The following SYT12 variants were observed in gnomAD, a reference collection of about 807,000 sequenced individuals.
SYT12 encodes the protein synaptotagmin-12.
A neutral mutation model predicts 39.5 loss-of-function variants in SYT12; 27 were observed. The ratio of observed to expected loss-of-function variants is 0.68; its 90% CI spans 0.50 to 0.94. SYT12 has a LOEUF of 0.94. Ranked by LOEUF, SYT12 falls within the 40% of genes least tolerant of loss-of-function variation. The probability of loss-of-function intolerance (pLI) is 0.00; values close to 1 mark genes in which losing one functional copy is unlikely to be tolerated. For missense variants in SYT12, 536 were observed against 572.6 expected (o/e 0.94, Z 0.65); for synonymous variants, 233 against 239.7 (o/e 0.97, Z 0.26).
At chr11:67,025,528 G>A (rs987090506) in intron 1 of SYT12, among the ~76,000 whole-genome samples, 8 of 152,128 alleles carry the variant, frequency 5.3e-5, no homozygotes, top group Non-Finnish European at 1.2e-4. Context: ...TCTGGTCACA[G>A]GCTGCCCTGG....
chr11:67,027,577 AATCTC>A (rs1950198759), intron 1 of SYT12: 1 of 151,828 alleles, frequency 6.6e-6, no homozygotes, highest in African/African-American at 2.4e-5. Flanking sequence ...CCCTCACTGA[AATCTC>A]AGCTCCCTGG....
chr11:67,043,248 G>A (rs1283439364), intron 4 of SYT12, among the ~76,000 whole-genome samples: 1 of 152,188 alleles, frequency 6.6e-6, no homozygotes, highest in African/African-American at 2.4e-5. Context: ...AACCTGGGAC[G>A]TCAGTGGCTC....
rs147506101 is a variant in SYT12 at position 67,044,658 on chromosome 11, C to T, written c.903C>T (p.Thr301=). 58 of 1,613,680 alleles carry T rather than the reference C, an allele frequency of 3.6e-5. No homozygotes were observed. In the East Asian group the frequency reaches 6.0e-4, roughly 17 times the overall value. The change falls in exon 6 of 8, where the codon ACC becomes ACT. Residue 301 remains threonine, a synonymous_variant. Coordinates refer to ENST00000527043, the MANE Select transcript of SYT12 (RefSeq NM_177963.4). ...ACCTCCCCACAGCCGAGCGCCTCACCGTGGTCGTGGTTAAGGCCAAGAACC... is the reference window on the plus strand; with the variant it reads ...ACCTCCCCACAGCCGAGCGCCTCACTGTGGTCGTGGTTAAGGCCAAGAACC... ...LSYLPTAERL[T]VVVVKAKNLI...
At chr11:67,019,425 T>C (rs1950086094), upstream of SYT12, among the ~76,000 whole-genome samples, 1 of 151,246 alleles carries the variant, frequency 6.6e-6, no homozygotes, top group Non-Finnish European at 1.5e-5. Context: ...TGAGCCAAGA[T>C]CGTGCCATTG....
At chr11:67,020,632 G>A (rs1950099413), upstream of SYT12, among the ~76,000 whole-genome samples, 1 of 152,160 alleles carries the variant, frequency 6.6e-6, no homozygotes, top group Non-Finnish European at 1.5e-5. Flanking sequence ...AGAGTCCCAT[G>A]CACAGAGTAG....
chr11:67,048,597 G>A lies in SYT12; in HGVS notation c.1106G>A (p.Arg369His), dbSNP rs373132081. Reference protein sequence around the residue: ...PAIVLQDLSLRVTVAESSSDG... With the variant: ...PAIVLQDLSLHVTVAESSSDG... ...CCTCTTCCTCAGGACCTGTCTCTCC[G>A]CGTGACGGTGGCTGAGAGCAGCAGC... The change falls in exon 8 of 8, where the codon CGC becomes CAC. Residue 369 changes from arginine to histidine, a missense_variant. Transcript: ENST00000527043. The A allele has an allele frequency of 1.0e-5, 16 of 1,601,624 alleles. No homozygotes were observed. Among genetic ancestry groups the A allele is most frequent in the South Asian group, 3.3e-5 (3 of 90,856 alleles).
chr11:67,032,363 C>T (rs1300100713), intron 2 of SYT12: 1 of 152,232 alleles, frequency 6.6e-6, no homozygotes, highest in Non-Finnish European at 1.5e-5. Flanking sequence ...GCCTCGATGA[C>T]TCATCCCAGA....
At chr11:67,032,445 T>C (rs1041058157) in intron 2 of SYT12, 1 of 152,250 alleles carries the variant, frequency 6.6e-6, no homozygotes, top group East Asian at 1.9e-4. Flanking sequence ...GGGATGTTCT[T>C]GTCATCCGCA....
intron 3 of SYT12, among the ~76,000 whole-genome samples, chr11:67,012,396 A>T (rs1187738282): frequency 6.6e-6 from 1 of 152,012 alleles, no homozygotes; most frequent in Admixed American, 6.6e-5. Context: ...ATAATAATAA[A>T]TAAATAAAAG....
intron 1 of SYT12, among the ~76,000 whole-genome samples, chr11:67,025,725 C>G (rs1950172323): frequency 6.6e-6 from 1 of 152,174 alleles, no homozygotes; most frequent in Non-Finnish European, 1.5e-5. Context: ...GCGGCTTGGT[C>G]TGAGCTTCCT....
intron 1 of SYT12, among the ~76,000 whole-genome samples, chr11:67,024,239 C>T (rs1950151089): frequency 6.6e-6 from 1 of 152,250 alleles, no homozygotes; most frequent in East Asian, 1.9e-4. Context: ...ATGTCAGCTC[C>T]TTCTCCCCGT....
chr11:67,041,959 C>A (rs1426309362), intron 4 of SYT12, among the ~76,000 whole-genome samples: 1 of 152,174 alleles, frequency 6.6e-6, no homozygotes, highest in African/African-American at 2.4e-5. Context: ...ACTCACAGAA[C>A]CAAGCCAACA....
rs534110735 is a variant in SYT12, at chr11:67,028,086, A to G, written c.-23-2036A>G. On this transcript the variant is annotated intron_variant, in intron 1 of 7. Coordinates refer to ENST00000527043, the MANE Select transcript of SYT12 (RefSeq NM_177963.4). Reference sequence around the variant, plus strand: ...CATGGAGCCAGTTGGCCTGGGTTGAACAGTTTATTAGCTGTGTGGCCTGGG... The same window carrying G: ...CATGGAGCCAGTTGGCCTGGGTTGAGCAGTTTATTAGCTGTGTGGCCTGGG... The G allele has an allele frequency of 3.1e-3, 473 of 152,316 alleles. 1 individual carries two copies. The highest frequency in any genetic ancestry group is 4.8e-3 in the Non-Finnish European group (328 of 68,048). The allele number at this position is 152,316 out of a possible 1,614,324, so 9.4% of individuals were successfully genotyped here.
At chr11:67,045,537 A>G (rs1854514050) in intron 6 of SYT12, 1 of 690,336 alleles carries the variant, frequency 1.4e-6, no homozygotes, top group Non-Finnish European at 2.3e-6. Flanking sequence ...CTGAGCACAA[A>G]GCCCAGCCCT....
intron 3 of SYT12, among the ~76,000 whole-genome samples, chr11:67,014,597 C>A (rs1204350287): frequency 1.3e-5 from 2 of 152,258 alleles, no homozygotes; most frequent in East Asian, 3.9e-4. Flanking sequence ...GAGCTTGGGG[C>A]CTTGTGGGTG....
rs774113864 is a variant in SYT12, at chr11:67,048,632, G to T, written c.1141G>T (p.Gly381Trp). Reference sequence around the variant, plus strand: ...GGCTGAGAGCAGCAGCGACGGCCGTGGGGACAACGTGGGCCATGTCATCAT... The same window carrying T: ...GGCTGAGAGCAGCAGCGACGGCCGTTGGGACAACGTGGGCCATGTCATCAT... ...TVAESSSDGRGDNVGHVIIGP... is the reference protein window; with the variant it reads ...TVAESSSDGRWDNVGHVIIGP... The change falls in exon 8 of 8, where the codon GGG becomes TGG. Residue 381 changes from glycine (G) to tryptophan (W), a missense_variant. Coordinates refer to ENST00000527043, the MANE Select transcript of SYT12 (RefSeq NM_177963.4). The T allele has an allele frequency of 6.2e-7, 1 of 1,611,550 alleles. No homozygotes were observed. The highest frequency in any genetic ancestry group is 1.7e-5 in the Admixed American group (1 of 59,978).
At position 67,048,958 on chromosome 11, in the gene SYT12, C is replaced by T. The variant is rs1003869312; in HGVS notation, c.*201C>T. The stretch of plus-strand genomic sequence containing the variant: ...TCTGTGTCCAGGGCCCCAGGGTCTG[C>T]TCCTGCTGAGGACCAGCTGTGGCTG... On this transcript the variant is annotated 3_prime_UTR_variant, in exon 8 of 8. Coordinates refer to ENST00000527043, the MANE Select transcript of SYT12 (RefSeq NM_177963.4). The T allele has an allele frequency of 3.7e-5, 22 of 590,896 alleles. No homozygotes were observed. Among genetic ancestry groups the T allele is most frequent in the Admixed American group, 1.8e-4 (6 of 33,198 alleles). The allele number at this position is 590,896 out of a possible 1,614,324, so 36.6% of individuals were successfully genotyped here. A position where few individuals can be genotyped will look rare whatever the true frequency, so the allele number is the denominator to read the frequency against.
rs544035352 is a variant in SYT12, at chr11:67,016,631, C to T, written c.-68-5238C>T. Among the ~76,000 whole-genome samples the T allele has an allele frequency of 2.3e-4, 35 of 152,286 alleles. 1 individual carries two copies. In the South Asian group the frequency reaches 6.6e-3, roughly 29 times the overall value. ...TTCCAAGGTGGTCTTGTTCTGAAAC[C>T]GTATGCCCTATTCTGTGAGCCTAGA... is the stretch of plus-strand genomic sequence containing the variant. On this transcript the variant is annotated intron_variant, in intron 3 of 10. Coordinates refer to the SYT12 transcript ENST00000393946.
At position 67,035,800 on chromosome 11, in the gene SYT12, TCCTTCCTTCCTTCCTTCCTTCCTTC is replaced by T. The variant is rs1565337247; in HGVS notation, c.228+964_228+988del. Among the ~76,000 whole-genome samples, 363 of 53,960 alleles carry T rather than the reference TCCTTCCTTCCTTCCTTCCTTCCTTC, an allele frequency of 6.7e-3. 25 individuals carry two copies. Among genetic ancestry groups the T allele is most frequent in the African/African-American group, 0.025 (331 of 13,130 alleles). 35.4% of individuals were successfully genotyped at this position (53,960 alleles called of 152,430 possible). A position where few individuals can be genotyped will look rare whatever the true frequency, so the allele number is the denominator to read the frequency against. On this transcript the variant is annotated intron_variant, in intron 3 of 7. Transcript: ENST00000527043. ...TTTTCTTTTCTTTTCTTTCCTTCCT[TCCTTCCTTCCTTCCTTCCTTCCTTC>T]CTTCCTTCCTTCCTTTCTTTCTTTC...
Sources: gnomAD v4.1 joint callset for allele counts (sites outside exome capture counted in the v4.1 genomes callset) on GRCh38, gnomAD v4.1.1 for gene constraint, MANE v1.5 for transcripts, NCBI Gene and HGNC (gene_info 2026-07-23, HGNC 2026-07-21) for gene names.